BCL11A: variants seen among roughly 807,000 people sequenced by gnomAD.
The protein encoded by BCL11A is BCL11 transcription factor A, also known as B cell CLL/lymphoma 11A.
A neutral mutation model predicts 55.9 loss-of-function variants in BCL11A; 2 were observed. The observed-to-expected ratio is 0.04, with a 90% CI of 0.01 to 0.11. The LOEUF (loss-of-function observed/expected upper bound fraction) is 0.11. Among genes scored for constraint, BCL11A ranks in the 10% least tolerant of loss-of-function variants. The pLI is 1.00. For synonymous variants in BCL11A, 465 were observed against 473.4 expected, an observed-to-expected ratio of 0.98 and a Z score of 0.23; for missense variants, 817 against 1,137.1, an observed-to-expected ratio of 0.72 and a Z score of 4.05.
intron 2 of BCL11A, among the ~76,000 whole-genome samples, chr2:60,478,752 C>T (rs535101222): frequency 2.0e-5 from 3 of 152,352 alleles, no homozygotes; most frequent in Admixed American, 6.5e-5. Context: ...AATGAAGGAG[C>T]GCTCTGGTGC....
rs1669160884 is a variant in BCL11A at position 60,525,446 on chromosome 2, G to A, written c.385+20525C>T. The A allele has an allele frequency of 2.6e-5, 4 of 152,232 alleles. No homozygotes were observed. The South Asian group carries it at 6.2e-4, about 24-fold the overall frequency. The allele number at this position is 152,232 out of a possible 1,614,324, so 9.4% of individuals were successfully genotyped here. A position where few individuals can be genotyped will look rare whatever the true frequency, so the allele number is the denominator to read the frequency against. ...AAGATGCCTTTAAGCTTTCTGTTGG[G>A]GAATCACGAATCCAAGCCTTAATCT... On this transcript the variant is annotated intron_variant, in intron 2 of 3. Coordinates refer to ENST00000642384, the MANE Select transcript of BCL11A (RefSeq NM_022893.4).
chr2:60,529,570 G>A (rs1426189818), intron 2 of BCL11A, among the ~76,000 whole-genome samples: 1 of 152,138 alleles, frequency 6.6e-6, no homozygotes, highest in Non-Finnish European at 1.5e-5. Context: ...AGACATCTAG[G>A]TGGGAGAGAA....
At position 60,553,481 on chromosome 2, in the gene BCL11A, GCAAAAAAAAAAA is replaced by G; in HGVS notation, c.-223_-212del. 3.0e-4 allele frequency: 2 copies of G among 6,680 alleles called. No homozygotes were observed. Among genetic ancestry groups the G allele is most frequent in the Non-Finnish European group, 4.8e-4 (2 of 4,164 alleles). 0.4% of individuals were successfully genotyped at this position (6,680 alleles called of 1,614,324 possible). A position where few individuals can be genotyped will look rare whatever the true frequency, so the allele number is the denominator to read the frequency against. On this transcript the variant is annotated 5_prime_UTR_variant, in exon 1 of 4. Transcript: ENST00000642384. ...GAGAGCCGTCATGGCTTTTTTTTAAGCAAAAAAAAAAAAAAAAAAAAAAAAAAAAAGAGGGAG... is the reference window on the plus strand; with the variant it reads ...GAGAGCCGTCATGGCTTTTTTTTAAGAAAAAAAAAAAAAAAAAAGAGGGAG...
At chr2:60,503,117 T>A (rs1290109072) in intron 2 of BCL11A, among the ~76,000 whole-genome samples, 2 of 152,218 alleles carry the variant, frequency 1.3e-5, no homozygotes, top group East Asian at 3.8e-4. Context: ...AGATCCACTC[T>A]GCATTTGTCC....
At chr2:60,478,753 G>A (rs553756220) in intron 2 of BCL11A, among the ~76,000 whole-genome samples, 1 of 152,352 alleles carries the variant, frequency 6.6e-6, no homozygotes, top group Admixed American at 6.5e-5. Flanking sequence ...ATGAAGGAGC[G>A]CTCTGGTGCT....
chr2:60,532,202 G>C (rs1333905381), intron 2 of BCL11A, among the ~76,000 whole-genome samples: 1 of 152,038 alleles, frequency 6.6e-6, no homozygotes, highest in Admixed American at 6.6e-5. Context: ...TGAGAATTTT[G>C]TTCCTCTGCT....
chr2:60,451,707 T>G (rs1325794543), exon 5 of BCL11A: 1 of 230,416 alleles, frequency 4.3e-6, no homozygotes, highest in African/African-American at 2.2e-5. Context: ...ATTTATCACC[T>G]TCTTTAGGAT....
chr2:60,509,359 G>A (rs1679845607), intron 2 of BCL11A, among the ~76,000 whole-genome samples: 1 of 152,218 alleles, frequency 6.6e-6, no homozygotes, highest in Non-Finnish European at 1.5e-5. Flanking sequence ...GAGGACAACG[G>A]ATTTCCGGAA....
rs1178714921 is a variant in BCL11A, at chr2:60,460,355, T to C, written c.*49A>G. On this transcript the variant is annotated 3_prime_UTR_variant, in exon 4 of 4. Transcript: ENST00000642384. ...GGAGGGCGATGGGGAAGGGGAGTGG[T>C]GAAAAAGGGGGTGTCAGGTGGGAGT... 6.5e-7 allele frequency: 1 copy of C among 1,544,832 alleles called. No individual in the cohort carries two copies. The highest frequency in any genetic ancestry group is 8.8e-7 in the Non-Finnish European group (1 of 1,140,022).
chr2:60,458,860 A>G lies in BCL11A; in HGVS notation c.*1544T>C. On this transcript the variant is annotated 3_prime_UTR_variant, in exon 4 of 4. Transcript: ENST00000642384. ...GGCAGATGCTAGCTTAATAAAAAAG[A>G]AAAAATTAAAAAAATAAAAATAAAA... The G allele has an allele frequency of 9.8e-7, 1 of 1,024,530 alleles. No homozygotes were observed. Among genetic ancestry groups the G allele is most frequent in the Non-Finnish European group, 1.2e-6 (1 of 850,902 alleles). 63.5% of individuals were successfully genotyped at this position (1,024,530 alleles called of 1,614,324 possible).
chr2:60,481,476 A>C (rs752961353), intron 2 of BCL11A, among the ~76,000 whole-genome samples: 4 of 152,000 alleles, frequency 2.6e-5, no homozygotes, highest in Non-Finnish European at 5.9e-5. Context: ...TGCTCTCAGG[A>C]GTCAGAGGGT....
intron 2 of BCL11A, among the ~76,000 whole-genome samples, chr2:60,500,431 G>T (rs1225331464): frequency 6.6e-6 from 1 of 152,182 alleles, no homozygotes; most frequent in Non-Finnish European, 1.5e-5. Context: ...GGAGCAGCTG[G>T]GGGCCTGGCC....
At chr2:60,525,222 A>T (rs1247159171) in intron 2 of BCL11A, 1 of 152,250 alleles carries the variant, frequency 6.6e-6, no homozygotes, top group African/African-American at 2.4e-5. Context: ...TCTTTTTCAA[A>T]AACGTACTTC....
intron 2 of BCL11A, among the ~76,000 whole-genome samples, chr2:60,470,521 C>G (rs1677139235): frequency 6.6e-6 from 1 of 152,174 alleles, no homozygotes; most frequent in Non-Finnish European, 1.5e-5. Context: ...AGCATAAACG[C>G]AACAGGTACT....
intron 2 of BCL11A, among the ~76,000 whole-genome samples, chr2:60,504,868 C>T (rs958539168): frequency 1.2e-4 from 19 of 152,190 alleles, no homozygotes; most frequent in Non-Finnish European, 2.8e-4. Context: ...CCACCACTAG[C>T]TTCCTTGCTC....
exon 5 of BCL11A, chr2:60,452,127 A>C (rs1233623432): frequency 4.4e-6 from 1 of 229,558 alleles, no homozygotes; most frequent in African/African-American, 2.2e-5. Flanking sequence ...TCTTATAAGC[A>C]TTAAAAATTA....
At chr2:60,550,433 C>G (rs1322620504) in intron 1 of BCL11A, among the ~76,000 whole-genome samples, 1 of 152,194 alleles carries the variant, frequency 6.6e-6, no homozygotes, top group African/African-American at 2.4e-5. Context: ...CTCGTTCCTC[C>G]CCGGACGAGA....
intron 2 of BCL11A, among the ~76,000 whole-genome samples, chr2:60,471,112 C>G (rs1022202430): frequency 2.0e-5 from 3 of 152,184 alleles, no homozygotes; most frequent in African/African-American, 7.2e-5. Flanking sequence ...TCCAGCCCAG[C>G]AGCGCTACAT....
chr2:60,501,071 G>A (rs547375956), intron 2 of BCL11A, among the ~76,000 whole-genome samples: 1 of 152,340 alleles, frequency 6.6e-6, no homozygotes, highest in South Asian at 2.1e-4. Context: ...GGTCTCCACA[G>A]GAGCCCTGCC....
Sources: allele counts gnomAD v4.1 joint callset (sites outside exome capture counted in the v4.1 genomes callset), GRCh38; gene constraint gnomAD v4.1.1; transcripts MANE v1.5; gene names NCBI Gene and HGNC (gene_info 2026-07-23, HGNC 2026-07-21).